Variants in SPATA17 observed in about 807,000 individuals in gnomAD.
SPATA17 encodes spermatogenesis associated 17, also known as spermatogenesis-associated protein 17.
SPATA17 carries 53 observed loss-of-function variants against 62.2 expected under a neutral mutation model. The ratio of observed to expected loss-of-function variants is 0.85; its 90% CI spans 0.68 to 1.07. The LOEUF (loss-of-function observed/expected upper bound fraction) is 1.07, where lower values mean the gene tolerates loss of function less well. Among genes scored for constraint, SPATA17 ranks in the 50% least tolerant of loss-of-function variants. The pLI is 0.00. For missense variants in SPATA17, 466 were observed against 425.5 expected (o/e 1.10, Z -0.84); for synonymous variants, 146 against 146.8 (o/e 0.99, Z 0.04).
At chr1:217,855,500 C>T (rs902924916) in intron 9 of SPATA17, among the ~76,000 whole-genome samples, 4 of 152,100 alleles carry the variant, frequency 2.6e-5, no homozygotes, top group African/African-American at 9.7e-5. Context: ...CCTTTCTATA[C>T]CTACATCTGT....
At chr1:217,633,755 C>A (rs1200397374) in intron 1 of SPATA17, among the ~76,000 whole-genome samples, 2 of 152,204 alleles carry the variant, frequency 1.3e-5, no homozygotes, top group Non-Finnish European at 2.9e-5. Context: ...CTTTCAATGT[C>A]TTCTGTTTTC....
At chr1:217,799,029 T>C (rs1674226972) in intron 8 of SPATA17, among the ~76,000 whole-genome samples, 1 of 152,152 alleles carries the variant, frequency 6.6e-6, no homozygotes, top group South Asian at 2.1e-4. Context: ...AAAATTTTAC[T>C]ATAAATCAAA....
intron 1 of SPATA17, among the ~76,000 whole-genome samples, chr1:217,634,506 G>A (rs569630631): frequency 6.6e-6 from 1 of 152,246 alleles, no homozygotes; most frequent in East Asian, 1.9e-4. Context: ...ATCAAGTGCA[G>A]CATCTGCAAA....
intron 6 of SPATA17, among the ~76,000 whole-genome samples, chr1:217,773,591 C>T (rs905581686): frequency 6.6e-6 from 1 of 152,138 alleles, no homozygotes; most frequent in African/African-American, 2.4e-5. Flanking sequence ...GTCACACATA[C>T]ATCTATTGAA....
At chr1:217,826,461 C>G (rs1047698971) in intron 9 of SPATA17, among the ~76,000 whole-genome samples, 1 of 152,012 alleles carries the variant, frequency 6.6e-6, no homozygotes, top group African/African-American at 2.4e-5. Flanking sequence ...AATTATTTAT[C>G]TGTTGATTTT....
intron 6 of SPATA17, among the ~76,000 whole-genome samples, chr1:217,747,878 C>T (rs530951455): frequency 6.6e-6 from 1 of 151,944 alleles, no homozygotes; most frequent in Middle Eastern, 3.4e-3. Flanking sequence ...TTAAAAAGAC[C>T]CTATACTGTG....
Position 217,688,393 on chromosome 1 carries a change from T to C in SPATA17, c.395+5032T>C, listed in dbSNP as rs552149302. 2.0e-5 allele frequency among the ~76,000 whole-genome samples: 3 copies of C among 152,324 alleles called. No homozygotes were observed. In the South Asian group the frequency reaches 6.2e-4, roughly 32 times the overall value. Reference sequence around the variant, plus strand: ...TCTCTTGCCTGGACTCTTAATTAAGTGAGAACATTTTAACAGTTCTCTTTT... The same window carrying C: ...TCTCTTGCCTGGACTCTTAATTAAGCGAGAACATTTTAACAGTTCTCTTTT... On this transcript the variant is annotated intron_variant, in intron 5 of 10. Coordinates refer to ENST00000366933, the MANE Select transcript of SPATA17 (RefSeq NM_138796.4).
At chr1:217,716,296 A>T (rs1205779477) in intron 5 of SPATA17, among the ~76,000 whole-genome samples, 2 of 152,224 alleles carry the variant, frequency 1.3e-5, no homozygotes, top group Admixed American at 6.5e-5. Context: ...ACGTGAAAGA[A>T]GTCAGTATGT....
At chr1:217,721,531 G>T (rs990498514) in intron 5 of SPATA17, among the ~76,000 whole-genome samples, 1 of 152,076 alleles carries the variant, frequency 6.6e-6, no homozygotes, top group South Asian at 2.1e-4. Context: ...TTCTCTGCCG[G>T]TATCTCTGAG....
intron 10 of SPATA17, among the ~76,000 whole-genome samples, chr1:217,863,963 C>T (rs1279674436): frequency 3.9e-5 from 6 of 152,114 alleles, no homozygotes; most frequent in East Asian, 1.9e-4. Context: ...AAAGTTCCTT[C>T]GATTTTATGT....
In SPATA17 at chr1:217,801,870, T is replaced by A. The variant is rs141368484; in HGVS notation, c.1005+20T>A. 5.7e-6 allele frequency: 9 copies of A among 1,586,508 alleles called. No individual in the cohort carries two copies. Among genetic ancestry groups the A allele is most frequent in the South Asian group, 4.7e-5 (4 of 85,920 alleles). ...GACAAGGTGAGTTAACAAAACATTT[T>A]AAAAAGTTATTCCTTTTTAAAAGCT... On this transcript the variant is annotated intron_variant, in intron 9 of 10. Coordinates refer to ENST00000366933, the MANE Select transcript of SPATA17 (RefSeq NM_138796.4).
chr1:217,774,331 T>C lies in SPATA17; in HGVS notation c.520-3T>C, dbSNP rs746322181. On this transcript the variant is annotated splice_polypyrimidine_tract_variant and splice_region_variant and intron_variant, in intron 6 of 10. Coordinates refer to ENST00000366933, the MANE Select transcript of SPATA17 (RefSeq NM_138796.4). ...AAATCAAAATTGCTTTCTTCTTCTT[T>C]AGATTCCAGGAATATACAATTCACC... 2.0e-5 allele frequency: 32 copies of C among 1,607,216 alleles called. No homozygotes were observed. Among genetic ancestry groups the C allele is most frequent in the Non-Finnish European group, 4.2e-6 (5 of 1,177,744 alleles).
chr1:217,725,519 G>A (rs1408095653), intron 5 of SPATA17, among the ~76,000 whole-genome samples: 1 of 152,120 alleles, frequency 6.6e-6, no homozygotes, highest in Non-Finnish European at 1.5e-5. Flanking sequence ...CTAGAATGCA[G>A]TGGCAAGATC....
At chr1:217,797,323 C>T (rs1674175475) in intron 8 of SPATA17, among the ~76,000 whole-genome samples, 1 of 144,562 alleles carries the variant, frequency 6.9e-6, no homozygotes, top group Non-Finnish European at 1.5e-5. Flanking sequence ...GATCTCGGCT[C>T]AGTGCAGCCT....
intron 4 of SPATA17, among the ~76,000 whole-genome samples, chr1:217,671,620 C>G (rs555381086): frequency 1.3e-5 from 2 of 152,226 alleles, no homozygotes; most frequent in South Asian, 4.1e-4. Flanking sequence ...CTTCTCCCCT[C>G]CCTGCCTCTC....
intron 6 of SPATA17, among the ~76,000 whole-genome samples, chr1:217,769,226 A>G (rs1359638629): frequency 6.6e-6 from 1 of 152,200 alleles, no homozygotes; most frequent in Non-Finnish European, 1.5e-5. Flanking sequence ...ATCAAAGTGT[A>G]CCTTTCGTAT....
chr1:217,782,619 A>C (rs1673757090), intron 8 of SPATA17, among the ~76,000 whole-genome samples: 1 of 152,144 alleles, frequency 6.6e-6, no homozygotes. Flanking sequence ...TAGTGAAAGC[A>C]TACATATTTA....
rs1273758463 is a variant in SPATA17, at chr1:217,768,151, A to G, written c.520-6183A>G. 5.3e-5 allele frequency among the ~76,000 whole-genome samples: 8 copies of G among 152,234 alleles called. No individual in the cohort carries two copies. In the East Asian group the frequency reaches 1.6e-3, roughly 30 times the overall value. ...ACCCAGCTACTCAGGAGACTGAGGC[A>G]GGGTAATCACTTGAACCAGGGAGGC... On this transcript the variant is annotated intron_variant, in intron 6 of 10. Transcript: ENST00000366933.
chr1:217,654,391 CA>C (rs1670391486), intron 3 of SPATA17, among the ~76,000 whole-genome samples: 1 of 151,998 alleles, frequency 6.6e-6, no homozygotes, highest in African/African-American at 2.4e-5. Context: ...TCCCGAAATG[CA>C]GGGATTACAG....
Sources: gnomAD v4.1 joint callset for allele counts (sites outside exome capture counted in the v4.1 genomes callset) on GRCh38, gnomAD v4.1.1 for gene constraint, MANE v1.5 for transcripts, NCBI Gene and HGNC (gene_info 2026-07-23, HGNC 2026-07-21) for gene names.